Variants in LRRC9 observed in about 807,000 individuals in gnomAD.
LRRC9 encodes leucine rich repeat containing 9.
Under a neutral mutation model 63.2 loss-of-function variants are expected in LRRC9, and 122 were observed. The observed-to-expected ratio is 1.93, with a 90% confidence interval of 1.67 to 2.24. LRRC9 has a LOEUF of 2.24. Ranked by LOEUF, LRRC9 falls within the 30% of genes most tolerant of loss-of-function variation. The pLI is 0.00. For missense variants in LRRC9, 1,071 were observed against 627.7 expected (o/e 1.71, Z -7.55); for synonymous variants, 366 against 213.1 (o/e 1.72, Z -6.25).
Position 60,019,031 on chromosome 14 carries a change from T to C in LRRC9, c.3427-90T>C, listed in dbSNP as rs548222546. 6 of 529,122 alleles carry C rather than the reference T, an allele frequency of 1.1e-5. No homozygotes were observed. The South Asian group carries it at 1.8e-4, about 16-fold the overall frequency. The allele number at this position is 529,122 out of a possible 1,614,324, so 32.8% of individuals were successfully genotyped here. A position where few individuals can be genotyped will look rare whatever the true frequency, so the allele number is the denominator to read the frequency against. On this transcript the variant is annotated intron_variant, in intron 25 of 31. Coordinates refer to ENST00000445360, the Ensembl canonical transcript of LRRC9. ...CATTTGTTGTTTTAGCACTAATATA[T>C]TATTAAATTATGTGGTATATTCCAA...
intron 30 of LRRC9, among the ~76,000 whole-genome samples, chr14:60,056,953 G>A (rs941325487): frequency 2.0e-5 from 3 of 152,060 alleles, no homozygotes; most frequent in Admixed American, 6.5e-5. Flanking sequence ...AGTTTCAGAA[G>A]GAAATTTGAC....
At chr14:59,961,896 C>CACA (rs1884387646) in intron 10 of LRRC9, among the ~76,000 whole-genome samples, 1 of 152,144 alleles carries the variant, frequency 6.6e-6, no homozygotes, top group Admixed American at 6.6e-5. Context: ...GAACTGGGTA[C>CACA]ATGGAAATAC....
At chr14:59,960,070 T>C (rs1159479363) in intron 9 of LRRC9, 56 bp downstream of exon 9, 1 of 579,766 alleles carries the variant, frequency 1.7e-6, no homozygotes, top group Non-Finnish European at 3.1e-6. Flanking sequence ...AATCAGAATG[T>C]TTTGGGCCAT....
intron 29 of LRRC9, among the ~76,000 whole-genome samples, chr14:60,032,770 G>T (rs971734176): frequency 6.6e-6 from 1 of 151,966 alleles, no homozygotes. Context: ...AGCTTTTTCC[G>T]CACAGGAGGA....
At chr14:59,988,414 C>G (rs1194113214) in intron 17 of LRRC9, among the ~76,000 whole-genome samples, 1 of 152,110 alleles carries the variant, frequency 6.6e-6, no homozygotes, top group Non-Finnish European at 1.5e-5. Context: ...ACTTCCAATT[C>G]AGGTTCAAGA....
intron 22 of LRRC9, 27 bp from the exon 23 acceptor site, chr14:60,008,065 G>C: frequency 3.1e-6 from 2 of 641,386 alleles, no homozygotes; most frequent in African/African-American, 3.7e-5. Flanking sequence ...TATACATATA[G>C]ATGAATATAT....
In LRRC9 at chr14:59,990,900, C is replaced by A. The variant is rs929792406; in HGVS notation, c.2211+5676C>A. Among the ~76,000 whole-genome samples the A allele has an allele frequency of 1.7e-4, 26 of 152,338 alleles. No individual in the cohort carries two copies. Among genetic ancestry groups the A allele is most frequent in the Admixed American group, 1.6e-3 (24 of 15,308 alleles). ...CTTCCTTCTTCTCCCACATGAATAC[C>A]ATGCAGGTCTTGTGTTGATGGTGGT... is the stretch of plus-strand genomic sequence containing the variant. On this transcript the variant is annotated intron_variant, in intron 17 of 31. Transcript: ENST00000445360. The surrounding 1 kb of genome is among the most constrained non-coding windows in gnomAD (Gnocchi z 4.2).
At chr14:59,989,876 T>G (rs1887871471) in intron 17 of LRRC9, among the ~76,000 whole-genome samples, 1 of 152,134 alleles carries the variant, frequency 6.6e-6, no homozygotes, top group African/African-American at 2.4e-5. Flanking sequence ...TAATGCTTAC[T>G]CTGAGATTTT....
exon 18 of LRRC9, chr14:59,997,837 C>T: frequency 1.4e-6 from 1 of 694,124 alleles, no homozygotes; most frequent in South Asian, 1.5e-5. Context: ...CAACATAATC[C>T]ATGGCAAAAG....
At chr14:59,960,174 T>C (rs1884206617) in intron 9 of LRRC9, among the ~76,000 whole-genome samples, 160 bp downstream of exon 9, 1 of 152,216 alleles carries the variant, frequency 6.6e-6, no homozygotes, top group South Asian at 2.1e-4. Flanking sequence ...CTAGTACATA[T>C]AAGCATCATG....
intron 15 of LRRC9, among the ~76,000 whole-genome samples, chr14:59,979,537 G>A (rs1035097570): frequency 1.4e-5 from 2 of 145,826 alleles, no homozygotes; most frequent in African/African-American, 2.4e-5. Flanking sequence ...GCGTGAACCC[G>A]GGAGGCAGAG....
intron 23 of LRRC9, among the ~76,000 whole-genome samples, chr14:60,016,280 A>C (rs1890680682): frequency 6.6e-6 from 1 of 152,132 alleles, no homozygotes; most frequent in African/African-American, 2.4e-5. Context: ...ATCATAGCTC[A>C]CTGCAGCCTC....
At position 60,003,691 on chromosome 14, in the gene LRRC9, A is replaced by C. The variant is rs1889575488; in HGVS notation, c.2735A>C (p.Lys912Thr). Residue 912 changes from lysine (K) to threonine (T), a missense_variant, in exon 21 of 32, where the codon AAA (lysine) becomes ACA (threonine). Coordinates refer to ENST00000445360, the Ensembl canonical transcript of LRRC9. The surrounding 1 kb of genome is among the most constrained non-coding windows in gnomAD (Gnocchi z 4.2). ...AATTTAGAAAAATTGGAAAATTTGAAATGGGCATCATTCAGCAATAATAAT... is the reference window on the plus strand; with the variant it reads ...AATTTAGAAAAATTGGAAAATTTGACATGGGCATCATTCAGCAATAATAAT... 1 of 695,162 alleles carries C rather than the reference A, an allele frequency of 1.4e-6. No individual in the cohort carries two copies. The highest frequency in any genetic ancestry group is 2.6e-6 in the Non-Finnish European group (1 of 382,656). 43.1% of individuals were successfully genotyped at this position (695,162 alleles called of 1,614,324 possible). A position where few individuals can be genotyped will look rare whatever the true frequency, so the allele number is the denominator to read the frequency against.
rs182813379 is a variant in LRRC9, at chr14:60,062,015, A to C, written c.4277-1308A>C. The C allele has an allele frequency of 7.8e-5, 31 of 398,806 alleles. No individual in the cohort carries two copies. The Admixed American group carries it at 1.1e-3, about 15-fold the overall frequency. The allele number at this position is 398,806 out of a possible 1,614,324, so 24.7% of individuals were successfully genotyped here. ...ATTTCTAATTTCTAATTTCAGACAA[A>C]AAAAACAAGAATGCTGGGATTCTGA... On this transcript the variant is annotated intron_variant, in intron 31 of 31. Transcript: ENST00000445360.
At chr14:59,980,372 A>G (rs1404207684) in intron 15 of LRRC9, among the ~76,000 whole-genome samples, 1 of 152,148 alleles carries the variant, frequency 6.6e-6, no homozygotes, top group Non-Finnish European at 1.5e-5. Flanking sequence ...TCACTATCAT[A>G]TTTGTTTTGG....
intron 23 of LRRC9, among the ~76,000 whole-genome samples, chr14:60,012,859 A>G (rs1890357406): frequency 6.6e-6 from 1 of 152,204 alleles, no homozygotes; most frequent in Non-Finnish European, 1.5e-5. Flanking sequence ...TGTTGCTTGT[A>G]TAATTATGAA....
intron 17 of LRRC9, among the ~76,000 whole-genome samples, chr14:59,991,168 A>C (rs1888047409): frequency 6.6e-6 from 1 of 152,214 alleles, no homozygotes; most frequent in South Asian, 2.1e-4. Flanking sequence ...TCACTCACTT[A>C]TAATTCCTAT....
At position 60,019,784 on chromosome 14, in the gene LRRC9, T is replaced by C. The variant is rs1890976025; in HGVS notation, c.3566+524T>C. Among the ~76,000 whole-genome samples the C allele has an allele frequency of 2.0e-5, 3 of 151,688 alleles. No individual in the cohort carries two copies. In the South Asian group the frequency reaches 6.2e-4, roughly 31 times the overall value. ...CTCAGCACCAATGGAATAGATACTT[T>C]ATGCAAAAAATGACAACAAACCTTC... is the stretch of plus-strand genomic sequence containing the variant. On this transcript the variant is annotated intron_variant, in intron 26 of 31. Transcript: ENST00000445360.
At chr14:59,931,869 T>C in intron 5 of LRRC9, 100 bp from the exon 6 acceptor site, 1 of 634,554 alleles carries the variant, frequency 1.6e-6, no homozygotes, top group South Asian at 1.9e-5. Context: ...ACCATTAGTC[T>C]ATTTATATGC....
Sources: gnomAD v4.1 joint callset for allele counts (sites outside exome capture counted in the v4.1 genomes callset) on GRCh38, gnomAD v4.1.1 for gene constraint, Gnocchi (gnomAD v3.1) non-coding constraint, MANE v1.5 for transcripts, NCBI Gene and HGNC (gene_info 2026-07-23, HGNC 2026-07-21) for gene names.